The following AP2A2 variants were observed in gnomAD, a reference collection of about 807,000 sequenced individuals.
The protein encoded by AP2A2 is adaptor related protein complex 2 subunit alpha 2, also known as AP-2 complex subunit alpha-2.
AP2A2 carries 32 observed loss-of-function variants against 104.2 expected under a neutral mutation model. That is an observed-to-expected ratio of 0.31 (90% confidence interval 0.23 to 0.41). The LOEUF (loss-of-function observed/expected upper bound fraction) is 0.41. Among genes scored for constraint, AP2A2 ranks in the 10% least tolerant of loss-of-function variants. The pLI is 1.00. For missense variants in AP2A2, 912 were observed against 1,261.0 expected (o/e 0.72, Z 4.19); for synonymous variants, 539 against 533.3 (o/e 1.01, Z -0.15).
rs1273872457 is a variant in AP2A2, at chr11:986,775, C to G, written c.963-10C>G. ...AGGAAACCCCACCCACTTCCCCTCC[C>G]TCCACACAGTGAGCCGAACCTGCTC... On this transcript the variant is annotated splice_polypyrimidine_tract_variant and intron_variant, in intron 8 of 21. Transcript: ENST00000448903. 6.2e-7 allele frequency: 1 copy of G among 1,612,118 alleles called. No individual in the cohort carries two copies. The highest frequency in any genetic ancestry group is 8.5e-7 in the Non-Finnish European group (1 of 1,179,432).
At chr11:981,359 T>G (rs1454396715) in intron 6 of AP2A2, 60 bp downstream of exon 6, 1 of 1,348,042 alleles carries the variant, frequency 7.4e-7, no homozygotes, top group Non-Finnish European at 1.0e-6. Flanking sequence ...TATTTATTTA[T>G]TAGCTTATTT....
At chr11:1,000,802 T>C (rs1004699468) in intron 15 of AP2A2, among the ~76,000 whole-genome samples, 1 of 152,060 alleles carries the variant, frequency 6.6e-6, no homozygotes, top group Non-Finnish European at 1.5e-5. Flanking sequence ...TGGACTGCAG[T>C]GTTCATTACT....
intron 15 of AP2A2, among the ~76,000 whole-genome samples, chr11:1,002,518 G>A (rs1009100577): frequency 2.0e-5 from 3 of 152,264 alleles, no homozygotes; most frequent in Non-Finnish European, 4.4e-5. Context: ...GGCGGCTGTG[G>A]CCTCCAGAGG....
At chr11:944,438 G>T (rs747236048) in intron 1 of AP2A2, among the ~76,000 whole-genome samples, 1 of 152,184 alleles carries the variant, frequency 6.6e-6, no homozygotes, top group Non-Finnish European at 1.5e-5. Flanking sequence ...GTGTTCACAT[G>T]GAGCTTGCAT....
intron 1 of AP2A2, chr11:956,995 C>A (rs929976813): frequency 6.6e-6 from 1 of 152,168 alleles, no homozygotes; most frequent in Non-Finnish European, 1.5e-5. Context: ...AGTGTCAGAT[C>A]CTGCAGGGGA....
intron 2 of AP2A2, among the ~76,000 whole-genome samples, chr11:959,998 C>A (rs972089817): frequency 9.2e-5 from 14 of 152,170 alleles, no homozygotes; most frequent in African/African-American, 2.9e-4. Context: ...TTTGAAACCC[C>A]AGTTAATCCT....
chr11:938,803 T>C (rs1196938908), intron 1 of AP2A2, among the ~76,000 whole-genome samples: 1 of 152,112 alleles, frequency 6.6e-6, no homozygotes, highest in Non-Finnish European at 1.5e-5. Flanking sequence ...ACAGACTCCT[T>C]CTGTGCTTTC....
intron 1 of AP2A2, among the ~76,000 whole-genome samples, chr11:939,585 C>A (rs988937874): frequency 1.3e-5 from 2 of 151,968 alleles, no homozygotes; most frequent in African/African-American, 4.8e-5. Flanking sequence ...GCTGGGCTTA[C>A]AGGAGCCTGC....
chr11:995,463 C>G (rs1365431792), intron 14 of AP2A2: 1 of 455,356 alleles, frequency 2.2e-6, no homozygotes, highest in African/African-American at 2.0e-5. Flanking sequence ...AGTTAGAGGA[C>G]CTGTCTCTCC....
chr11:975,342 C>T (rs889376981), intron 4 of AP2A2, among the ~76,000 whole-genome samples: 6 of 143,870 alleles, frequency 4.2e-5, no homozygotes, highest in South Asian at 2.2e-4. Flanking sequence ...GAGCTGACGT[C>T]GGAGAGTAGT....
chr11:925,983 C>A lies in AP2A2; in HGVS notation c.-39C>A, dbSNP rs1853105906. On this transcript the variant is annotated 5_prime_UTR_variant, in exon 1 of 22. Transcript: ENST00000448903. ...CTTCCCGCTCCCCGCGCTCCTCCGC[C>A]CGGGTCCGCCAGCCGAGGCCGCTCC... 3 of 1,380,308 alleles carry A rather than the reference C, an allele frequency of 2.2e-6. No homozygotes were observed. The African/African-American group carries it at 4.5e-5, about 21-fold the overall frequency. The allele number at this position is 1,380,308 out of a possible 1,614,324, so 85.5% of individuals were successfully genotyped here. A position where few individuals can be genotyped will look rare whatever the true frequency, so the allele number is the denominator to read the frequency against.
At position 993,965 on chromosome 11, in the gene AP2A2, G is replaced by T; in HGVS notation, c.1762G>T (p.Val588Leu). 1 of 1,611,958 alleles carries T rather than the reference G, an allele frequency of 6.2e-7. No individual in the cohort carries two copies. The highest frequency in any genetic ancestry group is 8.5e-7 in the Non-Finnish European group (1 of 1,179,216). The change falls in exon 13 of 22, where the codon GTG becomes TTG. Residue 588 changes from valine (V) to leucine (L), a missense_variant. Val to Leu is a conservative substitution (Grantham distance 32, BLOSUM62 1). This residue lies in a region of AP2A2 where 137 missense variants were observed against 186.9 expected (regional missense o/e 0.73). Coordinates refer to ENST00000448903, the MANE Select transcript of AP2A2 (RefSeq NM_012305.4). The surrounding 1 kb of genome is among the most constrained non-coding windows in gnomAD (Gnocchi z 8.2). The part of the protein sequence containing the change: ...RAVEYLRLST[V>L]ASTDILATVL... ...TGTGGAGTACCTGCGGCTCAGCACC[G>T]TGGCCAGCACCGACATTCTGGTAGG...
intron 1 of AP2A2, among the ~76,000 whole-genome samples, chr11:930,975 T>A (rs953440305): frequency 3.9e-5 from 6 of 152,156 alleles, no homozygotes; most frequent in Non-Finnish European, 8.8e-5. Context: ...ACCTGTAGCT[T>A]TGTGTAACCG....
chr11:967,852 T>G (rs1854674389), intron 2 of AP2A2, among the ~76,000 whole-genome samples: 1 of 152,218 alleles, frequency 6.6e-6, no homozygotes, highest in Admixed American at 6.5e-5. Flanking sequence ...AGGAGACAGA[T>G]ATTACTGTTA....
chr11:933,443 T>A, intron 1 of AP2A2: 1 of 447,108 alleles, frequency 2.2e-6, no homozygotes, highest in Non-Finnish European at 4.5e-6. Flanking sequence ...AAGCAGTATG[T>A]GCAGTTTTGT....
intron 1 of AP2A2, among the ~76,000 whole-genome samples, chr11:957,328 G>C (rs1307797623): frequency 6.6e-6 from 1 of 152,198 alleles, no homozygotes; most frequent in Non-Finnish European, 1.5e-5. Flanking sequence ...CATTGGATAG[G>C]CATGATTGAC....
intron 15 of AP2A2, among the ~76,000 whole-genome samples, chr11:1,002,623 C>T (rs1043683756): frequency 2.0e-5 from 3 of 152,236 alleles, no homozygotes; most frequent in African/African-American, 7.2e-5. Flanking sequence ...GCCCCAAGAG[C>T]GAGCCAAGGG....
chr11:979,234 A>G (rs1396693478), intron 5 of AP2A2, among the ~76,000 whole-genome samples: 1 of 150,068 alleles, frequency 6.7e-6, no homozygotes, highest in Non-Finnish European at 1.5e-5. Flanking sequence ...GGGGCATTCT[A>G]GATGCGTGTT....
chr11:994,316 A>C, intron 14 of AP2A2, 71 bp downstream of exon 14: 1 of 1,570,904 alleles, frequency 6.4e-7, no homozygotes, highest in Non-Finnish European at 8.7e-7. Context: ...CCAGCAGAGC[A>C]TTTGCCTGTC....
Sources: gnomAD v4.1 joint callset for allele counts (sites outside exome capture counted in the v4.1 genomes callset) on GRCh38, gnomAD v4.1.1 for gene constraint, gnomAD v4.1.1 regional missense constraint, Gnocchi (gnomAD v3.1) non-coding constraint, MANE v1.5 for transcripts, NCBI Gene and HGNC (gene_info 2026-07-23, HGNC 2026-07-21) for gene names.